The following BBOX1 variants were observed in gnomAD, a reference collection of about 807,000 sequenced individuals.
BBOX1 encodes the protein gamma-butyrobetaine hydroxylase 1.
In BBOX1, 35 loss-of-function variants were observed where a neutral mutation model predicts 41.6. That is an observed-to-expected ratio of 0.84 (90% confidence interval 0.64 to 1.11). The LOEUF (loss-of-function observed/expected upper bound fraction) is 1.11. BBOX1 is among the 50% of genes most tolerant of loss of function. The pLI is 0.00. For synonymous variants in BBOX1, 163 were observed against 154.7 expected (o/e 1.05, Z -0.40); for missense variants, 458 against 460.6 (o/e 0.99, Z 0.05).
intron 4 of BBOX1, 129 bp from the exon 5 acceptor site, chr11:27,093,039 G>A: frequency 1.1e-6 from 1 of 932,272 alleles, no homozygotes; most frequent in South Asian, 1.8e-5. Context: ...TTTCTAATAT[G>A]AATAACATTT....
At chr11:27,092,386 G>A (rs895032944) in intron 4 of BBOX1, among the ~76,000 whole-genome samples, 2 of 151,864 alleles carry the variant, frequency 1.3e-5, no homozygotes, top group Non-Finnish European at 1.5e-5. Flanking sequence ...AATTCAGTTG[G>A]TAATATCTGT....
In BBOX1 at chr11:27,091,056, A is replaced by G. The variant is rs370160950; in HGVS notation, c.335-2112A>G. Among the ~76,000 whole-genome samples the G allele has an allele frequency of 7.2e-5, 11 of 152,106 alleles. No individual in the cohort carries two copies. The East Asian group carries it at 1.6e-3, about 21-fold the overall frequency. On this transcript the variant is annotated intron_variant, in intron 4 of 8. Coordinates refer to ENST00000263182, the MANE Select transcript of BBOX1 (RefSeq NM_003986.3). ...TGATGTATATCCTCAGCTTATGAAG[A>G]TAGCAGGATTAAGAGATTAAAGTAA...
In BBOX1 at chr11:27,093,329, G is replaced by A. The variant is rs779597028; in HGVS notation, c.496G>A (p.Gly166Arg). The A allele has an allele frequency of 7.4e-6, 12 of 1,612,278 alleles. No homozygotes were observed. Among genetic ancestry groups the A allele is most frequent in the Non-Finnish European group, 1.0e-5 (12 of 1,178,970 alleles). Residue 166 changes from glycine to arginine, a missense_variant, in exon 5 of 9, where the codon GGG (glycine) becomes AGG (arginine). Coordinates refer to ENST00000263182, the MANE Select transcript of BBOX1 (RefSeq NM_003986.3). ...CAAACCAGGAGAAGTTTCAAAACTT[G>A]GGAAAAGGATGGGTTTCCTCTATCT... Reference protein sequence around the residue: ...SDKPGEVSKLGKRMGFLYLTF... With the variant: ...SDKPGEVSKLRKRMGFLYLTF...
chr11:27,098,756 T>C (rs1858537908), intron 5 of BBOX1, among the ~76,000 whole-genome samples: 2 of 152,034 alleles, frequency 1.3e-5, no homozygotes, highest in African/African-American at 4.8e-5. Context: ...TATGTTTGTG[T>C]TCATGACACA....
intron 4 of BBOX1, among the ~76,000 whole-genome samples, chr11:27,077,162 G>T (rs1857660200): frequency 6.6e-6 from 1 of 152,094 alleles, no homozygotes; most frequent in Middle Eastern, 3.2e-3. Context: ...ACCTGTGACT[G>T]CCACCTGTGT....
intron 5 of BBOX1, among the ~76,000 whole-genome samples, chr11:27,111,412 G>A (rs539874485): frequency 2.8e-4 from 42 of 151,926 alleles, no homozygotes; most frequent in Non-Finnish European, 5.6e-4. Flanking sequence ...AGTATCTGGG[G>A]ATGGGATCAA....
intron 4 of BBOX1, among the ~76,000 whole-genome samples, chr11:27,070,891 G>T (rs1426942160): frequency 6.6e-6 from 1 of 152,014 alleles, no homozygotes; most frequent in Non-Finnish European, 1.5e-5. Flanking sequence ...ACGCTTTCAA[G>T]AGATTCTATT....
In BBOX1 at chr11:27,066,649, G is replaced by T. The variant is rs535544359; in HGVS notation, c.334+9334G>T. 3 of 139,508 alleles carry T rather than the reference G, an allele frequency of 2.2e-5. No individual in the cohort carries two copies. The Admixed American group carries it at 2.2e-4, about 10-fold the overall frequency. The allele number at this position is 139,508 out of a possible 1,614,324, so 8.6% of individuals were successfully genotyped here. ...GCCCATCCATGGAATACATGGAATA[G>T]CTCTGGGCTATCCCTTCAGGGGAAA... On this transcript the variant is annotated intron_variant, in intron 4 of 8. Coordinates refer to ENST00000263182, the MANE Select transcript of BBOX1 (RefSeq NM_003986.3).
intron 4 of BBOX1, among the ~76,000 whole-genome samples, chr11:27,087,562 G>T (rs1403939832): frequency 6.6e-6 from 1 of 152,040 alleles, no homozygotes; most frequent in African/African-American, 2.4e-5. Flanking sequence ...AATTCTGCAT[G>T]ACTCACTTTC....
intron 6 of BBOX1, among the ~76,000 whole-genome samples, chr11:27,116,476 A>C (rs1363849200): frequency 6.6e-6 from 1 of 151,746 alleles, no homozygotes; most frequent in Admixed American, 6.6e-5. Flanking sequence ...GTATAACAAA[A>C]AAAAAAAATA....
At chr11:27,111,444 C>G (rs1859059962) in intron 5 of BBOX1, among the ~76,000 whole-genome samples, 1 of 151,962 alleles carries the variant, frequency 6.6e-6, no homozygotes, top group Non-Finnish European at 1.5e-5. Flanking sequence ...ACCTCAGGAT[C>G]ATGCAATATA....
At chr11:27,079,659 G>A (rs540229062) in intron 4 of BBOX1, among the ~76,000 whole-genome samples, 29 of 152,234 alleles carry the variant, frequency 1.9e-4, no homozygotes, top group Middle Eastern at 3.4e-3. Context: ...CAAGATATAT[G>A]ATGGGCAATG....
intron 5 of BBOX1, among the ~76,000 whole-genome samples, chr11:27,108,228 T>A (rs1166616325): frequency 5.3e-5 from 8 of 152,126 alleles, no homozygotes; most frequent in African/African-American, 1.9e-4. Context: ...AGATCTGTTC[T>A]CTGGCTAATG....
intron 4 of BBOX1, among the ~76,000 whole-genome samples, chr11:27,092,907 A>G (rs1746758778): frequency 6.6e-6 from 1 of 151,940 alleles, no homozygotes; most frequent in Non-Finnish European, 1.5e-5. Context: ...CATCAGCTAA[A>G]CAATATTCCC....
intron 5 of BBOX1, among the ~76,000 whole-genome samples, chr11:27,110,494 G>T (rs759913928): frequency 1.4e-4 from 22 of 151,806 alleles, no homozygotes; most frequent in Admixed American, 6.6e-4. Context: ...TTCTGCCCTT[G>T]TTCTTCCACA....
At position 27,115,525 on chromosome 11, in the gene BBOX1, A is replaced by T; in HGVS notation, c.607A>T (p.Thr203Ser). Residue 203 changes from threonine (T) to serine (S), a missense_variant, in exon 6 of 9, where the codon ACT becomes TCT. Physicochemically the swap from Thr to Ser is moderately conservative, Grantham distance 58 (BLOSUM62 1). Coordinates refer to ENST00000263182, the MANE Select transcript of BBOX1 (RefSeq NM_003986.3). The stretch of plus-strand genomic sequence containing the variant: ...CACAACTGGGAAGCTAAGCTTTCAC[A>T]CTGATTATCCAGCCCTCCATCATCC... ...AYTTGKLSFH[T>S]DYPALHHPPG... The T allele has an allele frequency of 1.9e-6, 3 of 1,611,098 alleles. No individual in the cohort carries two copies. The highest frequency in any genetic ancestry group is 1.7e-6 in the Non-Finnish European group (2 of 1,178,130).
intron 5 of BBOX1, among the ~76,000 whole-genome samples, chr11:27,113,007 CTT>C (rs1320567539): frequency 2.6e-5 from 4 of 152,010 alleles, no homozygotes; most frequent in African/African-American, 9.7e-5. Flanking sequence ...TGAACAGACA[CTT>C]TTCAAAAGAA....
intron 4 of BBOX1, among the ~76,000 whole-genome samples, chr11:27,062,481 C>T (rs557765249): frequency 1.2e-4 from 19 of 152,134 alleles, no homozygotes; most frequent in African/African-American, 3.9e-4. Context: ...TTACATTTTC[C>T]GAGTTGTGTC....
chr11:27,094,149 T>C (rs1163683096), intron 5 of BBOX1, among the ~76,000 whole-genome samples: 1 of 151,960 alleles, frequency 6.6e-6, no homozygotes. Flanking sequence ...CAGGGAGATA[T>C]AATTGATTTT....
Sources: allele counts gnomAD v4.1 joint callset (sites outside exome capture counted in the v4.1 genomes callset), GRCh38; gene constraint gnomAD v4.1.1; transcripts MANE v1.5; gene names NCBI Gene and HGNC (gene_info 2026-07-23, HGNC 2026-07-21).